The following RAB10 variants were observed in gnomAD, a reference collection of about 807,000 sequenced individuals.
The protein encoded by RAB10 is RAB10, member RAS oncogene family.
Under a neutral mutation model 25.7 loss-of-function variants are expected in RAB10, and 5 were observed. The ratio of observed to expected loss-of-function variants is 0.19; its 90% confidence interval spans 0.10 to 0.41. The LOEUF (loss-of-function observed/expected upper bound fraction) is 0.41, where lower values mean the gene tolerates loss of function less well. RAB10 is among the 10% of genes least tolerant of loss of function. The pLI is 1.00. For missense variants in RAB10, 103 were observed against 245.8 expected (o/e 0.42, Z 3.89); for synonymous variants, 89 against 86.4 (o/e 1.03, Z -0.16).
At chr2:26,096,449 GAT>G (rs1235270683) in intron 1 of RAB10, among the ~76,000 whole-genome samples, 2 of 152,018 alleles carry the variant, frequency 1.3e-5, no homozygotes, top group Non-Finnish European at 2.9e-5. Context: ...TGGATGGATG[GAT>G]GGATGGATGG....
intron 1 of RAB10, among the ~76,000 whole-genome samples, chr2:26,040,590 C>G (rs1424928452): frequency 2.0e-5 from 3 of 151,966 alleles, no homozygotes; most frequent in Non-Finnish European, 4.4e-5. Context: ...TCCAGGAGTT[C>G]AAAGGTGCAG....
intron 1 of RAB10, among the ~76,000 whole-genome samples, chr2:26,044,682 A>AT (rs1037988812): frequency 1.1e-4 from 17 of 152,000 alleles, no homozygotes; most frequent in African/African-American, 3.9e-4. Flanking sequence ...AGTAGCTGGG[A>AT]TTACAGGCAT....
intron 1 of RAB10, among the ~76,000 whole-genome samples, chr2:26,052,165 C>T (rs1317257597): frequency 6.6e-6 from 1 of 151,852 alleles, no homozygotes; most frequent in Non-Finnish European, 1.5e-5. Context: ...ATTGTTTGAG[C>T]CCAGGAGTTT....
At chr2:26,073,668 A>G (rs1666674960) in intron 1 of RAB10, among the ~76,000 whole-genome samples, 1 of 152,228 alleles carries the variant, frequency 6.6e-6, no homozygotes, top group South Asian at 2.1e-4. Context: ...TGCTAAGAGC[A>G]TCAGATAGTT....
At chr2:26,103,935 T>G (rs956605918) in intron 2 of RAB10, among the ~76,000 whole-genome samples, 10 of 152,252 alleles carry the variant, frequency 6.6e-5, no homozygotes, top group African/African-American at 2.4e-4. Context: ...TTTTAATGGC[T>G]GAATAATACT....
chr2:26,038,106 G>A (rs546811173), intron 1 of RAB10, among the ~76,000 whole-genome samples: 1 of 151,598 alleles, frequency 6.6e-6, no homozygotes, highest in South Asian at 2.1e-4. Context: ...GGCTGGTCTC[G>A]AACTTCTGAC....
Position 26,034,259 on chromosome 2 carries a change from C to G in RAB10, c.-350C>G, listed in dbSNP as rs1200070267. ...GCTCGGGAGAGAGACTGTCCTCACG[C>G]CCGCTGCGCCTCCTCGACGGCAGAG... On this transcript the variant is annotated 5_prime_UTR_variant, in exon 1 of 6. Transcript: ENST00000264710. The G allele has an allele frequency of 9.9e-6, 5 of 503,604 alleles. No homozygotes were observed. In the East Asian group the frequency reaches 1.5e-4, roughly 15 times the overall value. 31.2% of individuals were successfully genotyped at this position (503,604 alleles called of 1,614,324 possible).
chr2:26,122,973 G>A (rs1050668106), intron 3 of RAB10, among the ~76,000 whole-genome samples: 1 of 152,176 alleles, frequency 6.6e-6, no homozygotes, highest in Non-Finnish European at 1.5e-5. Context: ...GGCAGGAAGG[G>A]ATAGGCTAAC....
chr2:26,116,045 G>A (rs1462065489), intron 3 of RAB10, among the ~76,000 whole-genome samples: 1 of 151,900 alleles, frequency 6.6e-6, no homozygotes, highest in Non-Finnish European at 1.5e-5. Flanking sequence ...GTATTTTTTA[G>A]TAGAGATGGG....
intron 1 of RAB10, among the ~76,000 whole-genome samples, chr2:26,085,967 C>G (rs939084533): frequency 7.0e-6 from 1 of 142,986 alleles, no homozygotes; most frequent in African/African-American, 2.6e-5. Context: ...CCATTGCACT[C>G]CAGCCTGGGC....
intron 1 of RAB10, among the ~76,000 whole-genome samples, chr2:26,089,160 C>T (rs1386274104): frequency 6.6e-6 from 1 of 151,856 alleles, no homozygotes; most frequent in African/African-American, 2.4e-5. Context: ...CACGATGGCT[C>T]ATGCCTGTAA....
intron 1 of RAB10, among the ~76,000 whole-genome samples, chr2:26,040,044 G>A (rs80354218): frequency 0.015 from 2,302 of 152,294 alleles, 39 homozygotes; most frequent in African/African-American, 0.04. Context: ...TGGATGGTAT[G>A]TGTCTAAACA....
intron 1 of RAB10, among the ~76,000 whole-genome samples, chr2:26,093,965 A>C (rs1240641646): frequency 6.7e-6 from 1 of 148,310 alleles, no homozygotes; most frequent in Non-Finnish European, 1.5e-5. Context: ...GCATGATCAC[A>C]GCTCACTGCA....
intron 1 of RAB10, among the ~76,000 whole-genome samples, chr2:26,035,020 G>T (rs1195841873): frequency 6.6e-6 from 1 of 152,128 alleles, no homozygotes; most frequent in Non-Finnish European, 1.5e-5. Flanking sequence ...CAGGCGACTG[G>T]ACTGGCTTTT....
intron 1 of RAB10, among the ~76,000 whole-genome samples, chr2:26,090,758 A>AC (rs1205554460): frequency 6.7e-6 from 1 of 149,104 alleles, no homozygotes; most frequent in Non-Finnish European, 1.5e-5. Context: ...ACATAGTGAA[A>AC]CCCCCTCTCT....
chr2:26,093,742 A>G (rs1559591172), intron 1 of RAB10, among the ~76,000 whole-genome samples: 1 of 152,250 alleles, frequency 6.6e-6, no homozygotes, highest in African/African-American at 2.4e-5. Flanking sequence ...TTTGATACTA[A>G]GAGGCATTTT....
intron 1 of RAB10, among the ~76,000 whole-genome samples, chr2:26,070,176 A>C (rs1249663084): frequency 6.6e-6 from 1 of 152,220 alleles, no homozygotes; most frequent in Non-Finnish European, 1.5e-5. Flanking sequence ...TTATCACAGG[A>C]TGTGGCCTTC....
intron 1 of RAB10, among the ~76,000 whole-genome samples, chr2:26,044,562 TGA>T: frequency 6.6e-6 from 1 of 151,908 alleles, no homozygotes; most frequent in Non-Finnish European, 1.5e-5. Context: ...TTTTTTTTTT[TGA>T]GATAGAGTTT....
At chr2:26,094,423 TA>T (rs1471089569) in intron 1 of RAB10, among the ~76,000 whole-genome samples, 2 of 151,130 alleles carry the variant, frequency 1.3e-5, no homozygotes, top group Non-Finnish European at 2.9e-5. Flanking sequence ...GGCTAATTTT[TA>T]TATTTTTAGT....
Sources: allele counts gnomAD v4.1 joint callset (sites outside exome capture counted in the v4.1 genomes callset), GRCh38; gene constraint gnomAD v4.1.1; transcripts MANE v1.5; gene names NCBI Gene and HGNC (gene_info 2026-07-23, HGNC 2026-07-21).